STXBP5L: variants seen among roughly 807,000 people sequenced by gnomAD.
STXBP5L encodes the protein syntaxin-binding protein 5-like.
In STXBP5L, 65 loss-of-function variants were observed where a neutral mutation model predicts 144.5. The observed-to-expected ratio is 0.45, with a 90% confidence interval of 0.37 to 0.55. STXBP5L has a LOEUF of 0.55. Ranked by LOEUF, STXBP5L falls within the 20% of genes least tolerant of loss-of-function variation. The pLI, the probability that STXBP5L is intolerant of heterozygous loss-of-function variation, is 0.00. For missense variants in STXBP5L, 1,298 were observed against 1,405.5 expected (o/e 0.92, Z 1.22); for synonymous variants, 505 against 469.6 (o/e 1.08, Z -0.97).
At chr3:121,384,263 C>A (rs1214074721) in intron 22 of STXBP5L, among the ~76,000 whole-genome samples, 1 of 151,940 alleles carries the variant, frequency 6.6e-6, no homozygotes, top group Non-Finnish European at 1.5e-5. Context: ...ATAAAGAATA[C>A]CATGGCAGCA....
chr3:121,136,521 A>G (rs1004114437), intron 7 of STXBP5L, among the ~76,000 whole-genome samples: 4 of 152,226 alleles, frequency 2.6e-5, no homozygotes, highest in African/African-American at 9.6e-5. Context: ...CAAAACTACA[A>G]TAAGCTACCA....
At chr3:120,955,856 C>T (rs1409316515) in intron 3 of STXBP5L, among the ~76,000 whole-genome samples, 1 of 152,028 alleles carries the variant, frequency 6.6e-6, no homozygotes, top group Non-Finnish European at 1.5e-5. Flanking sequence ...ATAATTTTGC[C>T]ACTTCAAAAA....
intron 5 of STXBP5L, among the ~76,000 whole-genome samples, chr3:121,055,885 TTCTC>T (rs1948426735): frequency 6.7e-6 from 1 of 149,892 alleles, no homozygotes; most frequent in Non-Finnish European, 1.5e-5. Flanking sequence ...TAGAAACAGA[TTCTC>T]TCCATGTTGC....
intron 22 of STXBP5L, among the ~76,000 whole-genome samples, chr3:121,391,368 C>G (rs544814160): frequency 5.3e-5 from 8 of 152,156 alleles, no homozygotes; most frequent in African/African-American, 1.9e-4. Context: ...TTATTACTGA[C>G]CTTCTGAAGC....
intron 2 of STXBP5L, among the ~76,000 whole-genome samples, chr3:120,933,735 C>T (rs987579023): frequency 6.6e-6 from 1 of 152,008 alleles, no homozygotes; most frequent in African/African-American, 2.4e-5. Flanking sequence ...AATTCCAGAT[C>T]CTAGAAGAGC....
rs1947453987 is a variant in STXBP5L at position 121,045,503 on chromosome 3, C to G, written c.438C>G (p.Ala146=). 6.2e-7 allele frequency: 1 copy of G among 1,613,078 alleles called. No homozygotes were observed. The highest frequency in any genetic ancestry group is 1.7e-5 in the Admixed American group (1 of 59,950). ...GGAACCTTAGACAAAAAAGGCCAGC[C>G]ATACTCCATTCTCTTAAATTTAACC... ...HLWNLRQKRP[A]ILHSLKFNRE... is the part of the protein sequence containing the mutation. The change falls in exon 5 of 27, where the codon GCC becomes GCG. Residue 146 remains alanine, a synonymous_variant. Coordinates refer to ENST00000471454, the MANE Select transcript of STXBP5L (RefSeq NM_001308330.2).
Position 120,972,629 on chromosome 3 carries a change from G to T in STXBP5L, c.287+17592G>T, listed in dbSNP as rs145917784. ...TGTTGAATAGGAGTGCTGGAAGCTG[G>T]CATTCTTGTCTTTTCCAGTTGTTAG... On this transcript the variant is annotated intron_variant, in intron 3 of 26. Transcript: ENST00000471454. 1.7e-3 allele frequency among the ~76,000 whole-genome samples: 252 copies of T among 152,086 alleles called. 2 individuals are homozygous for T. Among genetic ancestry groups the T allele is most frequent in the African/African-American group, 5.6e-3 (232 of 41,528 alleles).
intron 19 of STXBP5L, among the ~76,000 whole-genome samples, chr3:121,288,982 G>T (rs2051324670): frequency 6.6e-6 from 1 of 151,980 alleles, no homozygotes; most frequent in Non-Finnish European, 1.5e-5. Context: ...GGTGGAGTGT[G>T]AGAGCGGGGA....
At chr3:121,283,052 C>T (rs953512940) in intron 19 of STXBP5L, among the ~76,000 whole-genome samples, 1 of 151,588 alleles carries the variant, frequency 6.6e-6, no homozygotes, top group Non-Finnish European at 1.5e-5. Flanking sequence ...GTGATTTTAT[C>T]GGTAAATATT....
At chr3:121,322,217 G>A (rs761692642) in intron 20 of STXBP5L, among the ~76,000 whole-genome samples, 6 of 152,124 alleles carry the variant, frequency 3.9e-5, no homozygotes, top group Non-Finnish European at 5.9e-5. Context: ...CGTGGCTCAC[G>A]CCTGTAATCT....
chr3:121,212,921 G>T (rs2048633771), intron 10 of STXBP5L, among the ~76,000 whole-genome samples: 1 of 152,076 alleles, frequency 6.6e-6, no homozygotes, highest in Non-Finnish European at 1.5e-5. Context: ...CCTTGAAGAG[G>T]TCCTTCATGT....
chr3:121,324,504 A>G (rs771283986), intron 20 of STXBP5L: 2 of 697,116 alleles, frequency 2.9e-6, no homozygotes, highest in South Asian at 1.5e-5. Context: ...ACTTGCTACC[A>G]GAACCCCTGA....
At chr3:121,008,887 ATC>A (rs1021415272) in intron 3 of STXBP5L, among the ~76,000 whole-genome samples, 91 of 151,960 alleles carry the variant, frequency 6.0e-4, no homozygotes, top group African/African-American at 2.1e-3. Flanking sequence ...TAAAATATCT[ATC>A]TTTTCCAGGA....
intron 7 of STXBP5L, among the ~76,000 whole-genome samples, chr3:121,139,160 G>A (rs1454152811): frequency 6.6e-6 from 1 of 151,874 alleles, no homozygotes; most frequent in Admixed American, 6.6e-5. Context: ...ATGAGTTTTA[G>A]CATTCTGTAG....
chr3:121,180,942 GAA>G (rs778342138), intron 9 of STXBP5L, among the ~76,000 whole-genome samples: 69 of 151,008 alleles, frequency 4.6e-4, no homozygotes, highest in Non-Finnish European at 8.4e-4. Flanking sequence ...GAAAAGAAGA[GAA>G]GAGAAAAGAA....
At chr3:121,087,237 G>A (rs1272667949) in intron 5 of STXBP5L, among the ~76,000 whole-genome samples, 1 of 151,994 alleles carries the variant, frequency 6.6e-6, no homozygotes, top group Non-Finnish European at 1.5e-5. Context: ...TATCCTTACT[G>A]ATTTTCTCTT....
At chr3:121,359,708 T>C (rs78786040) in intron 20 of STXBP5L, among the ~76,000 whole-genome samples, 2,936 of 152,104 alleles carry the variant, frequency 0.019, 91 homozygotes, top group African/African-American at 0.066. Context: ...GATGCTGTCT[T>C]TTCTGCAGCA....
rs139012173 is a variant in STXBP5L, at chr3:121,333,365, C to T, written c.2176+14825C>T. Among the ~76,000 whole-genome samples the T allele has an allele frequency of 8.3e-3, 1,269 of 152,128 alleles. 66 individuals are homozygous for T. Among genetic ancestry groups the T allele is most frequent in the Admixed American group, 0.071 (1,080 of 15,274 alleles). ...ACAACATACCAGAATCTCTGGGACA[C>T]GGCTAAGTCAGTGTTAAGAGGGAAA... is the stretch of plus-strand genomic sequence containing the variant. On this transcript the variant is annotated intron_variant, in intron 20 of 26. Coordinates refer to ENST00000471454, the MANE Select transcript of STXBP5L (RefSeq NM_001308330.2).
At chr3:121,310,383 G>A (rs1559960902) in intron 19 of STXBP5L, among the ~76,000 whole-genome samples, 1 of 152,198 alleles carries the variant, frequency 6.6e-6, no homozygotes, top group Non-Finnish European at 1.5e-5. Context: ...GGCCGAGGCG[G>A]GTGGATCACG....
Sources: allele counts gnomAD v4.1 joint callset (sites outside exome capture counted in the v4.1 genomes callset), GRCh38; gene constraint gnomAD v4.1.1; transcripts MANE v1.5; gene names NCBI Gene and HGNC (gene_info 2026-07-23, HGNC 2026-07-21).